Variants in CADPS2 observed in about 807,000 individuals in gnomAD.
The protein encoded by CADPS2 is calcium-dependent secretion activator 2.
A neutral mutation model predicts 172.5 loss-of-function variants in CADPS2; 93 were observed. The ratio of observed to expected loss-of-function variants is 0.54; its 90% CI spans 0.46 to 0.64. CADPS2 has a LOEUF of 0.64. Ranked by LOEUF, CADPS2 falls within the 30% of genes least tolerant of loss-of-function variation. CADPS2 has a pLI of 0.00. For missense variants in CADPS2, 1,420 were observed against 1,565.9 expected (o/e 0.91, Z 1.57); for synonymous variants, 546 against 555.2 (o/e 0.98, Z 0.23).
At chr7:122,643,592 A>T (rs1354684560) in intron 3 of CADPS2, among the ~76,000 whole-genome samples, 1 of 152,152 alleles carries the variant, frequency 6.6e-6, no homozygotes, top group African/African-American at 2.4e-5. Flanking sequence ...AACTGAACTG[A>T]TTTTATCACC....
At chr7:122,482,864 C>A (rs1288662335) in intron 11 of CADPS2, among the ~76,000 whole-genome samples, 1 of 152,098 alleles carries the variant, frequency 6.6e-6, no homozygotes, top group Non-Finnish European at 1.5e-5. Context: ...AGGCCTCCCC[C>A]AAGAATTCAG....
At chr7:122,728,213 G>C (rs548693377) in intron 2 of CADPS2, among the ~76,000 whole-genome samples, 2 of 151,820 alleles carry the variant, frequency 1.3e-5, no homozygotes, top group South Asian at 2.1e-4. Context: ...TCTCTCTCTA[G>C]CTTACAAACA....
intron 3 of CADPS2, among the ~76,000 whole-genome samples, chr7:122,635,928 CA>C (rs1366517601): frequency 3.4e-4 from 1 of 2,970 alleles, no homozygotes; most frequent in African/African-American, 4.5e-4. Context: ...GCAGCTCCCA[CA>C]TTTTTTTTTG....
At chr7:122,339,883 C>A (rs183089237) in intron 28 of CADPS2, among the ~76,000 whole-genome samples, 1 of 152,116 alleles carries the variant, frequency 6.6e-6, no homozygotes, top group African/African-American at 2.4e-5. Context: ...GAAACTCCAT[C>A]CAAAAAAAAT....
At chr7:122,660,554 T>C (rs1349701427) in intron 3 of CADPS2, among the ~76,000 whole-genome samples, 1 of 150,838 alleles carries the variant, frequency 6.6e-6, no homozygotes, top group East Asian at 2.0e-4. Flanking sequence ...TCACCTTAAA[T>C]ATGAATGGCC....
intron 15 of CADPS2, among the ~76,000 whole-genome samples, chr7:122,450,315 T>C (rs907186524): frequency 1.3e-5 from 2 of 152,078 alleles, no homozygotes; most frequent in Non-Finnish European, 1.5e-5. Flanking sequence ...GCATGCAACA[T>C]AGCAGACAGG....
At chr7:122,612,272 T>A (rs2074389271) in intron 6 of CADPS2, among the ~76,000 whole-genome samples, 1 of 152,022 alleles carries the variant, frequency 6.6e-6, no homozygotes, top group African/African-American at 2.4e-5. Context: ...TATTTGCAGA[T>A]GACATGGTCT....
chr7:122,571,435 G>A (rs2067241388), intron 7 of CADPS2, among the ~76,000 whole-genome samples: 1 of 152,092 alleles, frequency 6.6e-6, no homozygotes, highest in Non-Finnish European at 1.5e-5. Flanking sequence ...GGACACCATA[G>A]AGGATGCTGT....
In CADPS2 at chr7:122,446,808, C is replaced by T. The variant is rs368782631; in HGVS notation, c.2288+4566G>A. 2.6e-5 allele frequency among the ~76,000 whole-genome samples: 4 copies of T among 152,206 alleles called. No homozygotes were observed. The East Asian group carries it at 7.7e-4, about 29-fold the overall frequency. On this transcript the variant is annotated intron_variant, in intron 15 of 29. Coordinates refer to ENST00000449022, the MANE Select transcript of CADPS2 (RefSeq NM_017954.11). ...GAGTCCACTAGGCTCTACCTAGGTT[C>T]CTCCTTTCTGGATCATGGCCTGGAA...
intron 1 of CADPS2, among the ~76,000 whole-genome samples, chr7:122,820,795 G>A (rs1292398507): frequency 7.3e-6 from 1 of 136,570 alleles, no homozygotes; most frequent in Non-Finnish European, 1.6e-5. Flanking sequence ...TCCTGACCTC[G>A]TGATCCGCCC....
In CADPS2 at chr7:122,375,820, G is replaced by A. The variant is rs191543464; in HGVS notation, c.3387+3548C>T. ...AGGGAAACAATCAACATAATGAAAA[G>A]GCAACCTACAAAATGGGAGGAAATG... is the stretch of plus-strand genomic sequence containing the variant. On this transcript the variant is annotated intron_variant, in intron 25 of 29. Transcript: ENST00000449022. Among the ~76,000 whole-genome samples the A allele has an allele frequency of 3.9e-3, 597 of 151,738 alleles. 3 individuals carry two copies. The highest frequency in any genetic ancestry group is 0.01 in the Middle Eastern group (3 of 294).
Position 122,701,749 on chromosome 7 carries a change from CTACATAAAG to C in CADPS2, c.453+35197_453+35205del, listed in dbSNP as rs1239922398. On this transcript the variant is annotated intron_variant, in intron 2 of 29. Coordinates refer to ENST00000449022, the MANE Select transcript of CADPS2 (RefSeq NM_017954.11). ...GGGTAGAGAAGCTGAAATTTTCTCT[CTACATAAAG>C]TACAATAAGACAATTTATCTAATCT... is the stretch of plus-strand genomic sequence containing the variant. 4 of 947,020 alleles carry C rather than the reference CTACATAAAG, an allele frequency of 4.2e-6. No homozygotes were observed. The African/African-American group carries it at 6.6e-5, about 16-fold the overall frequency. 58.7% of individuals were successfully genotyped at this position (947,020 alleles called of 1,614,324 possible).
chr7:122,598,169 A>AT (rs1414741272), intron 6 of CADPS2, among the ~76,000 whole-genome samples: 1 of 151,960 alleles, frequency 6.6e-6, no homozygotes, highest in East Asian at 1.9e-4. Flanking sequence ...TGAGTGGAAA[A>AT]TTTTTAATTG....
intron 25 of CADPS2, among the ~76,000 whole-genome samples, chr7:122,364,397 A>C (rs1164055291): frequency 2.7e-5 from 4 of 146,616 alleles, no homozygotes; most frequent in Admixed American, 2.7e-4. Context: ...TGACAAAGGA[A>C]GACCCTGTCT....
chr7:122,711,044 T>C (rs1348178899), intron 2 of CADPS2, among the ~76,000 whole-genome samples: 9 of 152,104 alleles, frequency 5.9e-5, no homozygotes, highest in Admixed American at 5.9e-4. Flanking sequence ...AACTACTCAC[T>C]TTTTTAAAGA....
chr7:122,816,670 C>G (rs969519797), intron 1 of CADPS2, among the ~76,000 whole-genome samples: 8 of 152,148 alleles, frequency 5.3e-5, no homozygotes, highest in Admixed American at 5.2e-4. Context: ...AAGAGTTCCC[C>G]TTTCTCCATG....
At chr7:122,778,345 G>A (rs1460653710) in intron 1 of CADPS2, among the ~76,000 whole-genome samples, 1 of 152,076 alleles carries the variant, frequency 6.6e-6, no homozygotes, top group Admixed American at 6.6e-5. Context: ...ATAAAAGTTT[G>A]GAAAACTAGC....
intron 27 of CADPS2, among the ~76,000 whole-genome samples, chr7:122,354,745 C>A (rs746099440): frequency 1.6e-4 from 24 of 152,106 alleles, no homozygotes; most frequent in African/African-American, 5.6e-4. Context: ...CTCACCTAGT[C>A]CAGGTCTTGC....
chr7:122,477,919 C>A (rs1166065446), intron 12 of CADPS2, among the ~76,000 whole-genome samples: 2 of 152,116 alleles, frequency 1.3e-5, no homozygotes, highest in African/African-American at 4.8e-5. Flanking sequence ...ATCCTTTGAC[C>A]CACATCTCCC....
Sources: allele counts gnomAD v4.1 joint callset (sites outside exome capture counted in the v4.1 genomes callset), GRCh38; gene constraint gnomAD v4.1.1; transcripts MANE v1.5; gene names NCBI Gene and HGNC (gene_info 2026-07-23, HGNC 2026-07-21).